The following ZFYVE1 variants were observed in gnomAD, a reference collection of about 807,000 sequenced individuals.
ZFYVE1 encodes zinc finger FYVE domain-containing protein 1.
Under a neutral mutation model 74.4 loss-of-function variants are expected in ZFYVE1, and 30 were observed. The ratio of observed to expected loss-of-function variants is 0.40; its 90% CI spans 0.30 to 0.55. The LOEUF (loss-of-function observed/expected upper bound fraction) is 0.55. ZFYVE1 is among the 20% of genes least tolerant of loss of function. ZFYVE1 has a pLI of 0.42. For missense variants in ZFYVE1, 703 were observed against 1,011.6 expected, an observed-to-expected ratio of 0.69 and a Z score of 4.14; for synonymous variants, 335 against 385.1, an observed-to-expected ratio of 0.87 and a Z score of 1.52.
chr14:72,992,779 TTAAA>T (rs996558119), intron 4 of ZFYVE1, among the ~76,000 whole-genome samples: 15 of 152,062 alleles, frequency 9.9e-5, no homozygotes, highest in African/African-American at 3.4e-4. Flanking sequence ...ATAAATTAAT[TTAAA>T]TAAGAAAAAA....
At position 72,993,307 on chromosome 14, in the gene ZFYVE1, G is replaced by A. The variant is rs1189513343; in HGVS notation, c.1039C>T (p.Leu347=). Reference sequence around the variant, plus strand: ...CTAAAGGCTTCAGGGAAACGGCCCAGCTTCCGGAACCGGTCCTGGATGAGC... The same window carrying A: ...CTAAAGGCTTCAGGGAAACGGCCCAACTTCCGGAACCGGTCCTGGATGAGC... ...EKLIQDRFRK[L]GRFPEAFSSI... Residue 347 remains leucine, a synonymous_variant, in exon 4 of 12, where the codon CTG becomes TTG. Coordinates refer to ENST00000556143, the MANE Select transcript of ZFYVE1 (RefSeq NM_021260.4). 10 of 1,613,446 alleles carry A rather than the reference G, an allele frequency of 6.2e-6. No individual in the cohort carries two copies. The highest frequency in any genetic ancestry group is 8.5e-6 in the Non-Finnish European group (10 of 1,179,930).
At chr14:73,011,491 G>T (rs1894090822) in intron 2 of ZFYVE1, among the ~76,000 whole-genome samples, 1 of 151,646 alleles carries the variant, frequency 6.6e-6, no homozygotes, top group Non-Finnish European at 1.5e-5. Flanking sequence ...CTTCTCAAAA[G>T]ATTGTTTTGT....
intron 2 of ZFYVE1, among the ~76,000 whole-genome samples, chr14:73,004,870 G>A (rs1185273077): frequency 6.6e-6 from 1 of 151,876 alleles, no homozygotes; most frequent in South Asian, 2.1e-4. Context: ...GTTGCGGCAC[G>A]TCCCTGTAAT....
In ZFYVE1 at chr14:72,970,909, G is replaced by A; in HGVS notation, c.2307C>T (p.Asn769=). ...GWDHPVRVCF[N]CNKKPGDL ...AAAGGTCACCGGGCTTTTTATTGCA[G>A]TTGAAGCAGACTCGGACGGGATGGT... is the stretch of plus-strand genomic sequence containing the variant. The change falls in exon 12 of 12, where the codon AAC becomes AAT. Residue 769 remains asparagine (N), a synonymous_variant. Coordinates refer to ENST00000556143, the MANE Select transcript of ZFYVE1 (RefSeq NM_021260.4). 1 of 1,614,262 alleles carries A rather than the reference G, an allele frequency of 6.2e-7. No homozygotes were observed. The highest frequency in any genetic ancestry group is 1.6e-4 in the Middle Eastern group (1 of 6,062).
intron 2 of ZFYVE1, among the ~76,000 whole-genome samples, chr14:73,022,159 A>G (rs555126199): frequency 6.4e-4 from 97 of 152,360 alleles, no homozygotes; most frequent in African/African-American, 2.1e-3. Context: ...TAACAAAGAC[A>G]TTATCGCTGA....
chr14:73,012,437 T>C (rs1050719711), intron 2 of ZFYVE1, among the ~76,000 whole-genome samples: 5 of 151,992 alleles, frequency 3.3e-5, no homozygotes, highest in African/African-American at 9.7e-5. Context: ...GCCTGACTAA[T>C]GTCATGAAAC....
Position 72,970,087 on chromosome 14 carries a change from A to G in ZFYVE1, c.*795T>C. ...TGGGTGCCGCCTTTTGGGAAAGCCG[A>G]GTGGAGACAGAAGCATCGGGACAGG... is the stretch of plus-strand genomic sequence containing the variant. On this transcript the variant is annotated 3_prime_UTR_variant, in exon 12 of 12. Transcript: ENST00000556143. The G allele has an allele frequency of 3.3e-6, 1 of 303,458 alleles. No homozygotes were observed. Among genetic ancestry groups the G allele is most frequent in the East Asian group, 7.7e-5 (1 of 12,914 alleles). 18.8% of individuals were successfully genotyped at this position (303,458 alleles called of 1,614,324 possible).
chr14:73,011,582 T>C (rs1374739932), intron 2 of ZFYVE1, among the ~76,000 whole-genome samples: 2 of 151,728 alleles, frequency 1.3e-5, no homozygotes, highest in Admixed American at 6.6e-5. Context: ...TGCAGTGGCA[T>C]GATCTTGGCT....
chr14:73,021,391 A>G (rs1894316687), intron 2 of ZFYVE1, among the ~76,000 whole-genome samples: 2 of 147,382 alleles, frequency 1.4e-5, no homozygotes, highest in Non-Finnish European at 3.0e-5. Context: ...ATAAATAAAT[A>G]ACTGAAGTTG....
intron 8 of ZFYVE1, among the ~76,000 whole-genome samples, chr14:72,977,402 C>T (rs141429781): frequency 2.0e-4 from 31 of 151,422 alleles, no homozygotes; most frequent in East Asian, 5.8e-4. Flanking sequence ...GGAACAAGAG[C>T]GAAACTCCGT....
rs1893160770 is a variant in ZFYVE1 at position 72,975,992 on chromosome 14, CTGAGT to C, written c.1636-276_1636-272del. 2 of 353,918 alleles carry C rather than the reference CTGAGT, an allele frequency of 5.7e-6. No homozygotes were observed. The highest frequency in any genetic ancestry group is 5.3e-5 in the South Asian group (1 of 18,922). 21.9% of individuals were successfully genotyped at this position (353,918 alleles called of 1,614,324 possible). The stretch of plus-strand genomic sequence containing the variant: ...CCTCCAGGGGGCCCCGCACCGCAGG[CTGAGT>C]TAAGAACCTTTCCTCTCAGTTCTTC... On this transcript the variant is annotated intron_variant, in intron 8 of 11. Transcript: ENST00000556143. This position sits in a 1 kb window ranked among gnomAD's most constrained non-coding sequence, Gnocchi z 4.1.
intron 4 of ZFYVE1, among the ~76,000 whole-genome samples, chr14:72,992,657 CTT>C (rs1399958593): frequency 7.4e-6 from 1 of 135,792 alleles, no homozygotes; most frequent in African/African-American, 2.8e-5. Context: ...TGTTCTTTCT[CTT>C]TCTTTTGCCT....
rs1372726776 is a variant in ZFYVE1 at position 73,023,410 on chromosome 14, ATATTTTATGTTT to A, written c.483+604_483+615del. Among the ~76,000 whole-genome samples the A allele has an allele frequency of 4.2e-4, 57 of 135,442 alleles. 2 individuals carry two copies. The highest frequency in any genetic ancestry group is 1.6e-3 in the African/African-American group (56 of 35,688). 88.9% of individuals were successfully genotyped at this position (135,442 alleles called of 152,430 possible). A position where few individuals can be genotyped will look rare whatever the true frequency, so the allele number is the denominator to read the frequency against. On this transcript the variant is annotated intron_variant, in intron 2 of 11. Coordinates refer to ENST00000556143, the MANE Select transcript of ZFYVE1 (RefSeq NM_021260.4). Reference sequence around the variant, plus strand: ...ATTTTATGTGTTTTATATATAATATATATTTTATGTTTTATATATATTATATATATATTTTAT... The same window carrying A: ...ATTTTATGTGTTTTATATATAATATATATATATATTATATATATATTTTAT...
Position 73,011,517 on chromosome 14 carries a change from T to C in ZFYVE1, c.483+12509A>G, listed in dbSNP as rs1011798369. Among the ~76,000 whole-genome samples, 50 of 151,704 alleles carry C rather than the reference T, an allele frequency of 3.3e-4. 1 individual carries two copies. The highest frequency in any genetic ancestry group is 1.2e-3 in the South Asian group (6 of 4,802). The stretch of plus-strand genomic sequence containing the variant: ...ATTGTTTTGTTTTATTTTTATTTTA[T>C]TTTATTTTATTTTTATTTTTGAGAT... On this transcript the variant is annotated intron_variant, in intron 2 of 11. Coordinates refer to ENST00000556143, the MANE Select transcript of ZFYVE1 (RefSeq NM_021260.4).
At chr14:73,023,330 T>A (rs183981064) in intron 2 of ZFYVE1, among the ~76,000 whole-genome samples, 1 of 53,964 alleles carries the variant, frequency 1.9e-5, no homozygotes, top group Non-Finnish European at 3.9e-5. Flanking sequence ...ATAATATATA[T>A]TATATATGTT....
At chr14:73,023,195 T>A (rs1894357232) in intron 2 of ZFYVE1, among the ~76,000 whole-genome samples, 1 of 135,322 alleles carries the variant, frequency 7.4e-6, no homozygotes, top group African/African-American at 2.7e-5. Flanking sequence ...TATATATATT[T>A]TATATATGTT....
At chr14:73,007,277 C>G (rs1289840661) in intron 2 of ZFYVE1, among the ~76,000 whole-genome samples, 1 of 152,152 alleles carries the variant, frequency 6.6e-6, no homozygotes, top group Non-Finnish European at 1.5e-5. Flanking sequence ...AGTTAAACCC[C>G]AACAAACCTG....
intron 2 of ZFYVE1, among the ~76,000 whole-genome samples, chr14:73,020,263 A>AC (rs1480912526): frequency 2.6e-5 from 4 of 151,462 alleles, no homozygotes; most frequent in Admixed American, 2.0e-4. Flanking sequence ...CCATCTCAAA[A>AC]AAAAAAAAAA....
chr14:73,006,516 A>C (rs1893983705), intron 2 of ZFYVE1, among the ~76,000 whole-genome samples: 1 of 151,550 alleles, frequency 6.6e-6, no homozygotes, highest in South Asian at 2.1e-4. Context: ...TGTAGGTTGC[A>C]GTGAGCCGAG....
Sources: allele counts gnomAD v4.1 joint callset (sites outside exome capture counted in the v4.1 genomes callset), GRCh38; gene constraint gnomAD v4.1.1; non-coding constraint Gnocchi (gnomAD v3.1); transcripts MANE v1.5; gene names NCBI Gene and HGNC (gene_info 2026-07-23, HGNC 2026-07-21).